The following MARCHF1 variants were observed in gnomAD, a reference collection of about 807,000 sequenced individuals.
The protein encoded by MARCHF1 is E3 ubiquitin-protein ligase MARCHF1.
In MARCHF1, 40 loss-of-function variants were observed where a neutral mutation model predicts 54.2. The ratio of observed to expected loss-of-function variants is 0.74; its 90% CI spans 0.57 to 0.96. MARCHF1 has a LOEUF of 0.96. MARCHF1 is among the 40% of genes least tolerant of loss of function. MARCHF1 has a pLI of 0.00. For missense variants in MARCHF1, 586 were observed against 656.5 expected (o/e 0.89, Z 1.17); for synonymous variants, 236 against 236.3 (o/e 1.00, Z 0.01).
intron 5 of MARCHF1, among the ~76,000 whole-genome samples, chr4:163,616,300 A>C (rs761923247): frequency 8.5e-5 from 13 of 152,138 alleles, no homozygotes; most frequent in Non-Finnish European, 1.5e-4. Flanking sequence ...GAAAACAATC[A>C]ACGTAGTGAA....
intron 3 of MARCHF1, among the ~76,000 whole-genome samples, chr4:163,977,524 G>C (rs1752672809): frequency 6.6e-6 from 1 of 151,950 alleles, no homozygotes; most frequent in Non-Finnish European, 1.5e-5. Flanking sequence ...CTTTTTCTTA[G>C]GCCATTTCTA....
intron 3 of MARCHF1, among the ~76,000 whole-genome samples, chr4:163,955,008 CATTCTT>C (rs1752203821): frequency 6.6e-6 from 1 of 151,976 alleles, no homozygotes; most frequent in Non-Finnish European, 1.5e-5. Flanking sequence ...ATTTTAGCAA[CATTCTT>C]TGTGTTCCTC....
intron 5 of MARCHF1, among the ~76,000 whole-genome samples, chr4:163,624,848 A>G (rs933932622): frequency 6.6e-6 from 1 of 152,234 alleles, no homozygotes; most frequent in Non-Finnish European, 1.5e-5. Flanking sequence ...TTATTCTCAC[A>G]GTTCTCATTG....
chr4:163,576,995 G>A (rs941523313), intron 8 of MARCHF1, among the ~76,000 whole-genome samples: 11 of 151,842 alleles, frequency 7.2e-5, no homozygotes, highest in African/African-American at 2.4e-4. Context: ...AAATGAGTGT[G>A]TTTTCTTTTT....
intron 1 of MARCHF1, among the ~76,000 whole-genome samples, chr4:164,331,457 T>C (rs1018430463): frequency 6.6e-6 from 1 of 152,250 alleles, no homozygotes; most frequent in Non-Finnish European, 1.5e-5. Flanking sequence ...AATCATACAA[T>C]TAAATGTTGG....
chr4:164,379,155 GATGGAGAAAAC>G (rs927366045), intron 1 of MARCHF1, among the ~76,000 whole-genome samples: 1 of 152,110 alleles, frequency 6.6e-6, no homozygotes, highest in Non-Finnish European at 1.5e-5. Context: ...TAGAAGAAAA[GATGGAGAAAAC>G]AGATAAATTG....
chr4:164,059,090 G>A (rs1275152348), intron 2 of MARCHF1, among the ~76,000 whole-genome samples: 2 of 152,148 alleles, frequency 1.3e-5, no homozygotes, highest in Admixed American at 1.3e-4. Flanking sequence ...ATATGAGCTG[G>A]TTGTACTGAA....
chr4:164,046,616 C>T (rs991355086), intron 2 of MARCHF1, among the ~76,000 whole-genome samples: 1 of 152,108 alleles, frequency 6.6e-6, no homozygotes, highest in African/African-American at 2.4e-5. Context: ...TATCCTTGCC[C>T]TGTAATGAGT....
intron 1 of MARCHF1, among the ~76,000 whole-genome samples, chr4:164,309,953 C>G (rs1259508723): frequency 2.0e-5 from 3 of 151,738 alleles, no homozygotes; most frequent in Non-Finnish European, 4.4e-5. Flanking sequence ...CCACGTAATG[C>G]AGGAATTGTC....
intron 3 of MARCHF1, among the ~76,000 whole-genome samples, chr4:163,973,480 A>G (rs1185016825): frequency 6.6e-6 from 1 of 152,202 alleles, no homozygotes; most frequent in East Asian, 1.9e-4. Flanking sequence ...GCTAATTCAC[A>G]AGTATTTTTC....
intron 5 of MARCHF1, among the ~76,000 whole-genome samples, chr4:163,651,695 A>G (rs1179002080): frequency 4.0e-5 from 6 of 151,822 alleles, no homozygotes; most frequent in Admixed American, 3.9e-4. Flanking sequence ...AGGTTTTATC[A>G]TGATGTCTTT....
At chr4:164,105,718 G>A in intron 2 of MARCHF1, among the ~76,000 whole-genome samples, 1 of 92,420 alleles carries the variant, frequency 1.1e-5, no homozygotes, top group South Asian at 3.2e-4. Context: ...AGGACTTCAT[G>A]TCTAAAACAC....
At chr4:164,295,408 G>C (rs1034056551) in intron 1 of MARCHF1, among the ~76,000 whole-genome samples, 2 of 150,902 alleles carry the variant, frequency 1.3e-5, no homozygotes, top group Non-Finnish European at 3.0e-5. Context: ...ATTTTGGGGT[G>C]ATGTGTTCTG....
intron 1 of MARCHF1, among the ~76,000 whole-genome samples, chr4:164,357,592 G>A (rs1292128353): frequency 6.6e-6 from 1 of 152,134 alleles, no homozygotes; most frequent in Non-Finnish European, 1.5e-5. Flanking sequence ...ACCCATGTAA[G>A]ATAATAAGAG....
At chr4:163,975,282 A>C (rs897734424) in intron 3 of MARCHF1, among the ~76,000 whole-genome samples, 1 of 151,984 alleles carries the variant, frequency 6.6e-6, no homozygotes, top group Non-Finnish European at 1.5e-5. Context: ...GACTTTGAGA[A>C]GAAATTATTA....
chr4:164,004,246 C>CAT (rs70948686), intron 2 of MARCHF1, among the ~76,000 whole-genome samples: 3,950 of 150,056 alleles, frequency 0.026, 142 homozygotes, highest in African/African-American at 0.085. Flanking sequence ...TGTTTACATA[C>CAT]ATATATATAT....
intron 4 of MARCHF1, among the ~76,000 whole-genome samples, chr4:163,727,181 AAAAAT>A (rs1745681971): frequency 6.6e-6 from 1 of 152,194 alleles, no homozygotes; most frequent in Admixed American, 6.5e-5. Context: ...TTTATCCTGT[AAAAAT>A]AGTGGCTGTA....
intron 5 of MARCHF1, among the ~76,000 whole-genome samples, chr4:163,686,731 G>T (rs1579195299): frequency 6.6e-6 from 1 of 152,010 alleles, no homozygotes; most frequent in Non-Finnish European, 1.5e-5. Flanking sequence ...TCAAAGAAAA[G>T]ACTCAACTGA....
intron 2 of MARCHF1, among the ~76,000 whole-genome samples, chr4:164,063,012 T>C (rs1299062258): frequency 6.6e-6 from 1 of 152,238 alleles, no homozygotes; most frequent in East Asian, 1.9e-4. Context: ...TGGTTTTTGC[T>C]TGTTGTTTTC....
Sources: gnomAD v4.1 joint callset for allele counts (sites outside exome capture counted in the v4.1 genomes callset) on GRCh38, gnomAD v4.1.1 for gene constraint, MANE v1.5 for transcripts, NCBI Gene and HGNC (gene_info 2026-07-23, HGNC 2026-07-21) for gene names.